PEAK1: variants seen among roughly 807,000 people sequenced by gnomAD.
The protein encoded by PEAK1 is pseudopodium enriched atypical kinase 1, also known as inactive tyrosine-protein kinase PEAK1.
Under a neutral mutation model 124.7 loss-of-function variants are expected in PEAK1, and 54 were observed. The ratio of observed to expected loss-of-function variants is 0.43; its 90% confidence interval spans 0.35 to 0.54. PEAK1 has a LOEUF of 0.54. Among genes scored for constraint, PEAK1 ranks in the 20% least tolerant of loss-of-function variants. The probability of loss-of-function intolerance (pLI) is 0.01; values close to 1 mark genes in which losing one functional copy is unlikely to be tolerated. For missense variants in PEAK1, 2,046 were observed against 2,134.5 expected (o/e 0.96, Z 0.82); for synonymous variants, 719 against 760.0 (o/e 0.95, Z 0.89).
At chr15:77,196,559 T>C (rs2058112093) in intron 6 of PEAK1, among the ~76,000 whole-genome samples, 1 of 152,082 alleles carries the variant, frequency 6.6e-6, no homozygotes, top group Non-Finnish European at 1.5e-5. Flanking sequence ...GCTGATTAGG[T>C]AGGGAGACAG....
chr15:77,121,720 C>G (rs1242859727), intron 9 of PEAK1, among the ~76,000 whole-genome samples: 2 of 152,178 alleles, frequency 1.3e-5, no homozygotes, highest in Non-Finnish European at 1.5e-5. Context: ...ATTATGGGCC[C>G]AGTATGCCTT....
intron 6 of PEAK1, among the ~76,000 whole-genome samples, chr15:77,251,627 T>G (rs764583621): frequency 1.3e-5 from 2 of 152,076 alleles, no homozygotes; most frequent in Admixed American, 6.6e-5. Context: ...AAATAATTGT[T>G]GAAGGATGTG....
chr15:77,313,368 A>G (rs2064598723), intron 2 of PEAK1, among the ~76,000 whole-genome samples: 1 of 152,178 alleles, frequency 6.6e-6, no homozygotes, highest in South Asian at 2.1e-4. Context: ...GGAAGAATAA[A>G]CAAATTTCCT....
At chr15:77,204,100 A>T (rs1044951050) in intron 6 of PEAK1, among the ~76,000 whole-genome samples, 1 of 150,786 alleles carries the variant, frequency 6.6e-6, no homozygotes, top group Non-Finnish European at 1.5e-5. Flanking sequence ...AAAAGTGTGC[A>T]AAAGACCTGA....
At chr15:77,218,448 G>T (rs2059242000) in intron 6 of PEAK1, among the ~76,000 whole-genome samples, 1 of 151,750 alleles carries the variant, frequency 6.6e-6, no homozygotes, top group African/African-American at 2.4e-5. Flanking sequence ...TAGATTGTCA[G>T]ATGTTAAACC....
chr15:77,185,234 T>C lies in PEAK1; in HGVS notation c.-114-3194A>G, dbSNP rs7164286. ...TTTTGAAGGGAAGACTATGAGTCCA[T>C]ATTTTGTCACCCTGCATACAAGACA... On this transcript the variant is annotated intron_variant, in intron 6 of 9. Coordinates refer to ENST00000682557, the MANE Select transcript of PEAK1 (RefSeq NM_001385026.1). Among the ~76,000 whole-genome samples, 402 of 152,324 alleles carry C rather than the reference T, an allele frequency of 2.6e-3. 1 individual carries two copies. The highest frequency in any genetic ancestry group is 9.4e-3 in the African/African-American group (389 of 41,580).
exon 7 of PEAK1, chr15:77,102,782 C>A (rs971052743): frequency 2.6e-5 from 4 of 152,012 alleles, no homozygotes; most frequent in African/African-American, 7.2e-5. Context: ...TTGATCATAG[C>A]TTTTTCATAT....
intron 5 of PEAK1, among the ~76,000 whole-genome samples, chr15:77,272,544 T>G (rs1165480596): frequency 6.6e-6 from 1 of 152,082 alleles, no homozygotes; most frequent in Non-Finnish European, 1.5e-5. Context: ...TATACAACCC[T>G]CCTAGATTAA....
At chr15:77,210,370 A>G (rs1360176320) in intron 6 of PEAK1, among the ~76,000 whole-genome samples, 1 of 152,172 alleles carries the variant, frequency 6.6e-6, no homozygotes, top group Non-Finnish European at 1.5e-5. Flanking sequence ...GGGAAGAAGC[A>G]ATATATATGT....
At chr15:77,236,366 AAGG>A (rs1438981845) in intron 6 of PEAK1, among the ~76,000 whole-genome samples, 1 of 152,242 alleles carries the variant, frequency 6.6e-6, no homozygotes, top group African/African-American at 2.4e-5. Flanking sequence ...CGTGGAATCA[AAGG>A]AGATCATTTT....
chr15:77,294,396 C>T (rs1032499042), intron 2 of PEAK1, among the ~76,000 whole-genome samples: 4 of 152,078 alleles, frequency 2.6e-5, no homozygotes, highest in Non-Finnish European at 2.9e-5. Context: ...TTGACATCTA[C>T]GATTATGAAA....
At chr15:77,420,625 A>AAAT, upstream of PEAK1, 1 of 178,648 alleles carries the variant, frequency 5.6e-6, no homozygotes, top group Non-Finnish European at 1.0e-5. Context: ...CCTTCGCAAT[A>AAAT]AAAAAAAAAA....
intron 6 of PEAK1, among the ~76,000 whole-genome samples, chr15:77,189,352 C>CAT (rs2057713532): frequency 6.6e-6 from 1 of 152,142 alleles, no homozygotes; most frequent in Non-Finnish European, 1.5e-5. Flanking sequence ...TGCATGCATG[C>CAT]ACGTATGCAT....
intron 8 of PEAK1, among the ~76,000 whole-genome samples, chr15:77,144,099 T>C (rs932977193): frequency 6.6e-6 from 1 of 152,186 alleles, no homozygotes; most frequent in Non-Finnish European, 1.5e-5. Context: ...AGAAGGTCTA[T>C]CATCATCAGC....
intron 2 of PEAK1, among the ~76,000 whole-genome samples, chr15:77,312,089 AT>A (rs2064505644): frequency 6.6e-6 from 1 of 152,102 alleles, no homozygotes; most frequent in South Asian, 2.1e-4. Flanking sequence ...GGACCAAAAA[AT>A]TTTTACAAGG....
intron 6 of PEAK1, among the ~76,000 whole-genome samples, chr15:77,208,003 G>C (rs766264661): frequency 7.9e-5 from 12 of 152,154 alleles, no homozygotes; most frequent in Non-Finnish European, 1.3e-4. Context: ...TGAAATAAGG[G>C]ACAAGGCTCT....
intron 2 of PEAK1, among the ~76,000 whole-genome samples, chr15:77,291,374 G>T (rs1222454722): frequency 6.6e-6 from 1 of 152,032 alleles, no homozygotes; most frequent in Non-Finnish European, 1.5e-5. Context: ...CTTCGATTAT[G>T]AAATCTCCTC....
At chr15:77,309,639 C>T (rs1362454317) in intron 2 of PEAK1, among the ~76,000 whole-genome samples, 1 of 152,086 alleles carries the variant, frequency 6.6e-6, no homozygotes, top group African/African-American at 2.4e-5. Flanking sequence ...CTTCAACTAT[C>T]CTCTGTCCCC....
chr15:77,264,318 C>T (rs112106988), intron 5 of PEAK1, among the ~76,000 whole-genome samples: 2 of 152,026 alleles, frequency 1.3e-5, no homozygotes, highest in South Asian at 2.1e-4. Context: ...TCAAATTGTC[C>T]CTGTTTGCAG....
Sources: allele counts gnomAD v4.1 joint callset (sites outside exome capture counted in the v4.1 genomes callset), GRCh38; gene constraint gnomAD v4.1.1; transcripts MANE v1.5; gene names NCBI Gene and HGNC (gene_info 2026-07-23, HGNC 2026-07-21).